TTLL5: variants seen among roughly 807,000 people sequenced by gnomAD.
TTLL5 encodes tubulin polyglutamylase TTLL5.
A neutral mutation model predicts 168.4 loss-of-function variants in TTLL5; 132 were observed. The observed-to-expected ratio is 0.78, with a 90% CI of 0.68 to 0.91. TTLL5 has a LOEUF of 0.91. Ranked by LOEUF, TTLL5 falls within the 40% of genes least tolerant of loss-of-function variation. The probability of loss-of-function intolerance (pLI) is 0.00; values close to 1 mark genes in which losing one functional copy is unlikely to be tolerated. For missense variants in TTLL5, 1,545 were observed against 1,581.5 expected (o/e 0.98, Z 0.39); for synonymous variants, 546 against 558.6 (o/e 0.98, Z 0.32).
chr14:75,838,679 C>G (rs1346854707), intron 28 of TTLL5: 1 of 152,234 alleles, frequency 6.6e-6, no homozygotes, highest in Non-Finnish European at 1.5e-5. Flanking sequence ...CAGGTATAAG[C>G]AGCAGCTTTT....
At chr14:75,818,455 T>C in intron 27 of TTLL5, 1 of 399,886 alleles carries the variant, frequency 2.5e-6, no homozygotes, top group South Asian at 1.8e-5. Context: ...ACTTGAGATA[T>C]TAGCGTGTTC....
intron 31 of TTLL5, among the ~76,000 whole-genome samples, chr14:75,947,818 G>A (rs2034823364): frequency 6.6e-6 from 1 of 151,924 alleles, no homozygotes; most frequent in Non-Finnish European, 1.5e-5. Context: ...GTGTGTGCCT[G>A]TGGTTCCAGC....
chr14:75,759,969 T>G (rs1486669822), intron 18 of TTLL5, among the ~76,000 whole-genome samples: 3 of 152,086 alleles, frequency 2.0e-5, no homozygotes, highest in African/African-American at 7.2e-5. Flanking sequence ...AGATGTCCAC[T>G]CATACCACTT....
chr14:75,683,495 G>A, intron 4 of TTLL5, 55 bp from the exon 5 acceptor site: 4 of 1,387,462 alleles, frequency 2.9e-6, no homozygotes, highest in South Asian at 1.2e-5. Flanking sequence ...GCTTTTCCTG[G>A]AGAAGGGGTA....
intron 27 of TTLL5, among the ~76,000 whole-genome samples, chr14:75,812,469 A>G (rs1894106093): frequency 6.6e-6 from 1 of 152,168 alleles, no homozygotes; most frequent in South Asian, 2.1e-4. Flanking sequence ...CAGCATAGCA[A>G]GTAATCTTGG....
At chr14:75,781,787 T>C (rs1229025460) in intron 24 of TTLL5, among the ~76,000 whole-genome samples, 1 of 152,006 alleles carries the variant, frequency 6.6e-6, no homozygotes, top group Non-Finnish European at 1.5e-5. Flanking sequence ...AAAGCCTGTC[T>C]CTACTAAATA....
chr14:75,864,196 T>C (rs1167063520), intron 29 of TTLL5, among the ~76,000 whole-genome samples: 1 of 152,234 alleles, frequency 6.6e-6, no homozygotes, highest in Non-Finnish European at 1.5e-5. Flanking sequence ...CTAAGATACC[T>C]GAAAGCTTGT....
chr14:75,718,990 T>C (rs962173235), intron 10 of TTLL5, among the ~76,000 whole-genome samples: 1 of 152,164 alleles, frequency 6.6e-6, no homozygotes, highest in Admixed American at 6.5e-5. Context: ...ATACCTCCAC[T>C]GTGAAAGATG....
At chr14:75,898,779 A>G (rs2032789313) in intron 30 of TTLL5, among the ~76,000 whole-genome samples, 1 of 152,230 alleles carries the variant, frequency 6.6e-6, no homozygotes, top group African/African-American at 2.4e-5. Context: ...TACATATTAG[A>G]TTTATTAAGA....
At chr14:75,701,206 G>T (rs1490273239) in intron 7 of TTLL5, among the ~76,000 whole-genome samples, 1 of 152,056 alleles carries the variant, frequency 6.6e-6, no homozygotes, top group Non-Finnish European at 1.5e-5. Flanking sequence ...ACCTTTTGTT[G>T]CATAATGGAT....
At chr14:75,803,306 G>A (rs1484666757) in intron 27 of TTLL5, 2 of 152,188 alleles carry the variant, frequency 1.3e-5, no homozygotes, top group African/African-American at 2.4e-5. Flanking sequence ...AAAACATAGA[G>A]GGACTCAGAA....
rs12587780 is a variant in TTLL5, at chr14:75,860,215, C to G, written c.3327-3452C>G. Among the ~76,000 whole-genome samples, 620 of 152,330 alleles carry G rather than the reference C, an allele frequency of 4.1e-3. 3 individuals are homozygous for G. The highest frequency in any genetic ancestry group is 0.014 in the East Asian group (71 of 5,190). ...ATCTTCTCTTGCCCACTGTCCTACC[C>G]TTTATATATCCACAGACCCCCACCT... is the stretch of plus-strand genomic sequence containing the variant. On this transcript the variant is annotated intron_variant, in intron 28 of 31. Transcript: ENST00000298832.
At chr14:75,685,664 A>C (rs541937867) in intron 5 of TTLL5, among the ~76,000 whole-genome samples, 1 of 152,274 alleles carries the variant, frequency 6.6e-6, no homozygotes, top group Admixed American at 6.5e-5. Flanking sequence ...ACTTTTGCAA[A>C]ATATGCATTC....
At chr14:75,837,192 C>T (rs1287991787) in intron 28 of TTLL5, 1 of 152,256 alleles carries the variant, frequency 6.6e-6, no homozygotes, top group African/African-American at 2.4e-5. Flanking sequence ...GTTTCACTCT[C>T]ATATGCGTAA....
At chr14:75,694,323 A>G (rs999898852) in intron 6 of TTLL5, among the ~76,000 whole-genome samples, 1 of 152,166 alleles carries the variant, frequency 6.6e-6, no homozygotes, top group African/African-American at 2.4e-5. Flanking sequence ...AATCATAGTG[A>G]AGCACCAGAA....
At chr14:75,808,272 T>TC (rs1893774158) in intron 27 of TTLL5, among the ~76,000 whole-genome samples, 1 of 152,186 alleles carries the variant, frequency 6.6e-6, no homozygotes, top group Non-Finnish European at 1.5e-5. Context: ...AGAGAAGATA[T>TC]GCCAAGAGAA....
At chr14:75,863,974 C>T (rs1451643156) in intron 29 of TTLL5, 112 bp downstream of exon 29, 3 of 1,156,504 alleles carry the variant, frequency 2.6e-6, no homozygotes, top group Non-Finnish European at 3.4e-6. Flanking sequence ...TTTCCAACCC[C>T]GTGCCATCCT....
chr14:75,919,828 T>C (rs2033761860), intron 31 of TTLL5, among the ~76,000 whole-genome samples: 1 of 149,776 alleles, frequency 6.7e-6, no homozygotes, highest in South Asian at 2.1e-4. Flanking sequence ...CACCAAGAAA[T>C]GTGAAGGACA....
intron 12 of TTLL5, among the ~76,000 whole-genome samples, chr14:75,731,996 G>A (rs977855798): frequency 2.0e-5 from 3 of 149,162 alleles, no homozygotes; most frequent in Non-Finnish European, 4.5e-5. Context: ...TCCTTTCCCC[G>A]CCTCTTTTTT....
Sources: gnomAD v4.1 joint callset for allele counts (sites outside exome capture counted in the v4.1 genomes callset) on GRCh38, gnomAD v4.1.1 for gene constraint, MANE v1.5 for transcripts, NCBI Gene and HGNC (gene_info 2026-07-23, HGNC 2026-07-21) for gene names.